ATG2A: variants seen among roughly 807,000 people sequenced by gnomAD.
ATG2A encodes autophagy-related protein 2 homolog A.
ATG2A carries 103 observed loss-of-function variants against 214.2 expected under a neutral mutation model. That is an observed-to-expected ratio of 0.48 (90% CI 0.41 to 0.57). The LOEUF (loss-of-function observed/expected upper bound fraction) is 0.57. Among genes scored for constraint, ATG2A ranks in the 20% least tolerant of loss-of-function variants. ATG2A has a pLI of 0.00. For synonymous variants in ATG2A, 1,160 were observed against 1,142.1 expected (o/e 1.02, Z -0.32); for missense variants, 2,312 against 2,613.2 (o/e 0.88, Z 2.51).
intron 24 of ATG2A, among the ~76,000 whole-genome samples, chr11:64,904,647 T>G (rs1944475379): frequency 6.6e-6 from 1 of 152,202 alleles, no homozygotes; most frequent in African/African-American, 2.4e-5. Flanking sequence ...TCATCATTCC[T>G]AATCCCTAAT....
Position 64,898,863 on chromosome 11 carries a change from T to C in ATG2A, c.4465-21A>G. The C allele has an allele frequency of 6.2e-7, 1 of 1,600,028 alleles. No individual in the cohort carries two copies. On this transcript the variant is annotated intron_variant, in intron 31 of 40. Coordinates refer to ENST00000377264, the MANE Select transcript of ATG2A (RefSeq NM_015104.3). This position sits in a 1 kb window ranked among gnomAD's most constrained non-coding sequence, Gnocchi z 4.5. ...CTTACCTGTGGGGTGGACAGAGGCCTGGCCAGGTAAGCAGGGCCCCAAGAG... is the reference window on the plus strand; with the variant it reads ...CTTACCTGTGGGGTGGACAGAGGCCCGGCCAGGTAAGCAGGGCCCCAAGAG...
In ATG2A at chr11:64,894,682, G is replaced by A. The variant is rs1278211641; in HGVS notation, c.*291C>T. On this transcript the variant is annotated 3_prime_UTR_variant, in exon 41 of 41. Coordinates refer to ENST00000377264, the MANE Select transcript of ATG2A (RefSeq NM_015104.3). ...AGAAAGACACTTGGCTGAGTGGGAT[G>A]GGGTCCGAGGGTCCAAAAGCCTCCG... 3 of 670,266 alleles carry A rather than the reference G, an allele frequency of 4.5e-6. No homozygotes were observed. The highest frequency in any genetic ancestry group is 4.7e-4 in the Middle Eastern group (2 of 4,222). The allele number at this position is 670,266 out of a possible 1,614,324, so 41.5% of individuals were successfully genotyped here. A position where few individuals can be genotyped will look rare whatever the true frequency, so the allele number is the denominator to read the frequency against.
chr11:64,909,838 G>T lies in ATG2A; in HGVS notation c.1950C>A (p.Ala650=), dbSNP rs200244363. ...RATLRLRFPI[A]DLRPEPDPWA... is the part of the protein sequence containing the mutation. ...AGGGGTCCGGCTCAGGCCGCAGGTCGGCAATGGGGAAGCGCAGCCGCAGCG... is the reference window on the plus strand; with the variant it reads ...AGGGGTCCGGCTCAGGCCGCAGGTCTGCAATGGGGAAGCGCAGCCGCAGCG... Residue 650 remains alanine, a synonymous_variant, in exon 14 of 41, where the codon GCC becomes GCA. Transcript: ENST00000377264. 2 of 1,610,566 alleles carry T rather than the reference G, an allele frequency of 1.2e-6. No individual in the cohort carries two copies. Among genetic ancestry groups the T allele is most frequent in the South Asian group, 1.1e-5 (1 of 90,998 alleles).
Position 64,906,447 on chromosome 11 carries a change from A to G in ATG2A, c.3070T>C (p.Ser1024Pro), listed in dbSNP as rs1387430259. 9 of 1,613,030 alleles carry G rather than the reference A, an allele frequency of 5.6e-6. No homozygotes were observed. Among genetic ancestry groups the G allele is most frequent in the Non-Finnish European group, 6.8e-6 (8 of 1,179,980 alleles). Residue 1024 changes from serine to proline, a missense_variant, in exon 21 of 41, where the codon TCG becomes CCG. By Grantham distance (74) the Ser-to-Pro change is moderately conservative. Coordinates refer to ENST00000377264, the MANE Select transcript of ATG2A (RefSeq NM_015104.3). ...CCCCGCTCGGTCACCCCTTCCTCCG[A>G]TGGGTAGATGGTTGGGGCCAGCTGA... ...PAQLAPTIYP[S>P]EEGVTERGAS...
chr11:64,898,702 G>C lies in ATG2A; in HGVS notation c.4605C>G (p.Ser1535=). The change falls in exon 32 of 41, where the codon TCC becomes TCG. Residue 1535 remains serine (S), a synonymous_variant. Coordinates refer to ENST00000377264, the MANE Select transcript of ATG2A (RefSeq NM_015104.3). The surrounding 1 kb of genome is among the most constrained non-coding windows in gnomAD (Gnocchi z 4.5). ...GTAGGTACAGGAACTTGTTGATCTGGGAGGAGGCGAGCCGGTCTCGGACCT... is the reference window on the plus strand; with the variant it reads ...GTAGGTACAGGAACTTGTTGATCTGCGAGGAGGCGAGCCGGTCTCGGACCT... ...ELEVRDRLAS[S]QINKFLYLHT... 1 of 1,614,054 alleles carries C rather than the reference G, an allele frequency of 6.2e-7. No homozygotes were observed. Among genetic ancestry groups the C allele is most frequent in the South Asian group, 1.1e-5 (1 of 91,082 alleles).
At position 64,894,898 on chromosome 11, in the gene ATG2A, G is replaced by C. The variant is rs1352936969; in HGVS notation, c.*75C>G. On this transcript the variant is annotated 3_prime_UTR_variant, in exon 41 of 41. Transcript: ENST00000377264. ...TCCCCTGAAGGGCCAGGCCGGGCCG[G>C]GCCCGTGGGCTGCAGCTCTTGGGAG... is the stretch of plus-strand genomic sequence containing the variant. The C allele has an allele frequency of 3.2e-6, 5 of 1,560,014 alleles. No homozygotes were observed. Among genetic ancestry groups the C allele is most frequent in the Non-Finnish European group, 4.4e-6 (5 of 1,139,314 alleles).
chr11:64,917,173 G>C lies in ATG2A; in HGVS notation c.-38C>G, dbSNP rs752585495. On this transcript the variant is annotated 5_prime_UTR_variant, in exon 1 of 41. Coordinates refer to ENST00000377264, the MANE Select transcript of ATG2A (RefSeq NM_015104.3). ...CGGGCCTGGGCCGCCTCCGCTTGCC[G>C]CCCGCCGGCGATCCCCGTCCGGCTC... 1.3e-6 allele frequency: 2 copies of C among 1,552,898 alleles called. No homozygotes were observed. The highest frequency in any genetic ancestry group is 1.7e-6 in the Non-Finnish European group (2 of 1,148,908).
intron 12 of ATG2A, 39 bp downstream of exon 12, chr11:64,910,577 C>A (rs777186530): frequency 1.3e-6 from 2 of 1,563,910 alleles, no homozygotes; most frequent in Non-Finnish European, 8.6e-7. Flanking sequence ...GGTCAACACG[C>A]CATGGGGACA....
At chr11:64,899,861 A>ATTT (rs749811813) in intron 31 of ATG2A, among the ~76,000 whole-genome samples, 9 of 139,452 alleles carry the variant, frequency 6.5e-5, no homozygotes, top group African/African-American at 1.8e-4. Context: ...AGCTTCCAGC[A>ATTT]TTTTTTTTTT....
rs752543426 is a variant in ATG2A, at chr11:64,913,288, T to G, written c.704A>C (p.His235Pro). 6.2e-7 allele frequency: 1 copy of G among 1,611,130 alleles called. No homozygotes were observed. Among genetic ancestry groups the G allele is most frequent in the Admixed American group, 1.7e-5 (1 of 59,816 alleles). ...CACCTGTGCCGGGAGCTCCTCGTAG[T>G]GCAGGCGGACCCCTGCCAGCTGCAG... ...KLLQLAGVRLHYEELPAQEEP... is the reference protein window; with the variant it reads ...KLLQLAGVRLPYEELPAQEEP... Residue 235 changes from histidine to proline, a missense_variant, in exon 5 of 41, where the codon CAC becomes CCC. Physicochemically the swap from His to Pro is moderately conservative, Grantham distance 77 (BLOSUM62 -2). Coordinates refer to ENST00000377264, the MANE Select transcript of ATG2A (RefSeq NM_015104.3). The surrounding 1 kb of genome is among the most constrained non-coding windows in gnomAD (Gnocchi z 4.3).
intron 29 of ATG2A, 26 bp downstream of exon 29, chr11:64,901,936 A>C (rs1180222004): frequency 6.2e-7 from 1 of 1,608,296 alleles, no homozygotes; most frequent in Non-Finnish European, 8.5e-7. Flanking sequence ...TGGACGGCAA[A>C]CTGGTCCATC....
rs1378549773 is a variant in ATG2A, at chr11:64,910,643, G to A, written c.1680C>T (p.His560=). 5 of 1,607,562 alleles carry A rather than the reference G, an allele frequency of 3.1e-6. No homozygotes were observed. ...ASARPCAHLR[H]TQILRRVPKS... is the part of the protein sequence containing the mutation. ...TAGGCACACGGCGCAGGATCTGTGT[G>A]TGGCGCAGATGGGCGCAGGGCCGAG... The change falls in exon 12 of 41, where the codon CAC becomes CAT. Residue 560 remains histidine (H), a synonymous_variant. Transcript: ENST00000377264.
Position 64,909,100 on chromosome 11 carries a change from G to T in ATG2A, c.2255C>A (p.Ala752Asp). Residue 752 changes from alanine (A) to aspartate (D), a missense_variant, in exon 16 of 41, where the codon GCC becomes GAC. Transcript: ENST00000377264. ...CTCCAGTTCCTCTCCCTTCTCCGGG[G>T]CCACCTCCCACTGTGTGCTGCTGGA... ...PQSSSTQWEV[A>D]PEKGEELELS... 1 of 1,612,936 alleles carries T rather than the reference G, an allele frequency of 6.2e-7. No homozygotes were observed. The highest frequency in any genetic ancestry group is 8.5e-7 in the Non-Finnish European group (1 of 1,179,838).
Position 64,913,843 on chromosome 11 carries a change from C to T in ATG2A, c.568G>A (p.Ala190Thr). The T allele has an allele frequency of 1.9e-6, 3 of 1,613,748 alleles. No individual in the cohort carries two copies. The highest frequency in any genetic ancestry group is 2.5e-6 in the Non-Finnish European group (3 of 1,180,014). ...TACCTCTGCACACGGACCTCGACGGCCACACCACGTTCCCCATCACCCGGA... is the reference window on the plus strand; with the variant it reads ...TACCTCTGCACACGGACCTCGACGGTCACACCACGTTCCCCATCACCCGGA... ...HSPGDGERGV[A>T]VEVRVQRLEY... Residue 190 changes from alanine (A) to threonine (T), a missense_variant, in exon 4 of 41, where the codon GCC (alanine) becomes ACC (threonine). Coordinates refer to ENST00000377264, the MANE Select transcript of ATG2A (RefSeq NM_015104.3). The surrounding 1 kb of genome is among the most constrained non-coding windows in gnomAD (Gnocchi z 4.3).
In ATG2A at chr11:64,911,318, G is replaced by A. The variant is rs138269566; in HGVS notation, c.1229-43C>T. ...TCAGCAGGGGCTCCCAACAGATTCC[G>A]GGTACCCCAGGTGGAGCAATAGTTT... On this transcript the variant is annotated intron_variant, in intron 9 of 40. Transcript: ENST00000377264. 477 of 1,589,090 alleles carry A rather than the reference G, an allele frequency of 3.0e-4. 2 individuals are homozygous for A. The African/African-American group carries it at 5.9e-3, about 20-fold the overall frequency.
intron 6 of ATG2A, chr11:64,912,637 A>T: frequency 3.6e-6 from 2 of 552,372 alleles, no homozygotes; most frequent in South Asian, 4.5e-5. Flanking sequence ...CTTGTTGCCC[A>T]GGCTGCAGTG....
At chr11:64,899,264 T>G (rs1043433576) in intron 31 of ATG2A, among the ~76,000 whole-genome samples, 1 of 152,210 alleles carries the variant, frequency 6.6e-6, no homozygotes, top group Non-Finnish European at 1.5e-5. Flanking sequence ...GACCTGACCC[T>G]GCTCTTGCTT....
chr11:64,912,286 C>CCCGG, intron 7 of ATG2A, 37 bp from the exon 8 acceptor site: 2 of 1,588,988 alleles, frequency 1.3e-6, no homozygotes, highest in South Asian at 1.1e-5. Context: ...GCTGGCTGGC[C>CCCGG]CTCCCAGCCA....
intron 30 of ATG2A, 78 bp downstream of exon 30, chr11:64,900,806 C>A: frequency 6.8e-7 from 1 of 1,480,396 alleles, no homozygotes; most frequent in Non-Finnish European, 9.0e-7. Flanking sequence ...CTCAAGGTCT[C>A]CAGCTGCTGA....
Sources: gnomAD v4.1 joint callset for allele counts (sites outside exome capture counted in the v4.1 genomes callset) on GRCh38, gnomAD v4.1.1 for gene constraint, Gnocchi (gnomAD v3.1) non-coding constraint, MANE v1.5 for transcripts, NCBI Gene and HGNC (gene_info 2026-07-23, HGNC 2026-07-21) for gene names.